The following PRKCH variants were observed in gnomAD, a reference collection of about 807,000 sequenced individuals.
The protein encoded by PRKCH is protein kinase C eta.
Under a neutral mutation model 82.5 loss-of-function variants are expected in PRKCH, and 28 were observed. The ratio of observed to expected loss-of-function variants is 0.34; its 90% CI spans 0.25 to 0.47. The LOEUF (loss-of-function observed/expected upper bound fraction) is 0.47, where lower values mean the gene tolerates loss of function less well. Ranked by LOEUF, PRKCH falls within the 20% of genes least tolerant of loss-of-function variation. PRKCH has a pLI of 1.00. For synonymous variants in PRKCH, 322 were observed against 327.4 expected, an observed-to-expected ratio of 0.98 and a Z score of 0.18; for missense variants, 705 against 881.8, an observed-to-expected ratio of 0.80 and a Z score of 2.54.
At chr14:61,232,104 C>A (rs142449612) in intron 1 of PRKCH, among the ~76,000 whole-genome samples, 77 of 152,336 alleles carry the variant, frequency 5.1e-4, no homozygotes, top group African/African-American at 1.7e-3. Flanking sequence ...TTCGCTTTTG[C>A]TTCTGACCCA....
intron 9 of PRKCH, among the ~76,000 whole-genome samples, chr14:61,462,834 T>G (rs749141347): frequency 1.3e-5 from 2 of 152,218 alleles, no homozygotes; most frequent in African/African-American, 2.4e-5. Flanking sequence ...ACTCTCCTCA[T>G]GCAGCCCTGT....
chr14:61,532,750 C>G (rs933090708), intron 12 of PRKCH, among the ~76,000 whole-genome samples: 1 of 152,168 alleles, frequency 6.6e-6, no homozygotes, highest in African/African-American at 2.4e-5. Context: ...CAGTAATAGC[C>G]TCATGGTCTT....
chr14:61,374,125 C>G (rs1187003464), intron 1 of PRKCH, among the ~76,000 whole-genome samples: 1 of 152,282 alleles, frequency 6.6e-6, no homozygotes, highest in East Asian at 1.9e-4. Flanking sequence ...AAGTCCAAAA[C>G]CCAGCAGGGT....
chr14:61,326,610 GA>G (rs35368004), intron 1 of PRKCH, among the ~76,000 whole-genome samples: 2 of 152,090 alleles, frequency 1.3e-5, no homozygotes, highest in Admixed American at 6.6e-5. Flanking sequence ...AAGCTGTGGG[GA>G]AAAAAACCAA....
At chr14:61,249,426 C>T (rs2044919653) in intron 1 of PRKCH, among the ~76,000 whole-genome samples, 1 of 148,960 alleles carries the variant, frequency 6.7e-6, no homozygotes, top group Non-Finnish European at 1.5e-5. Flanking sequence ...ACTTTGGCAG[C>T]ACATATACTT....
At chr14:61,340,388 G>A (rs2045916831) in intron 1 of PRKCH, among the ~76,000 whole-genome samples, 1 of 137,512 alleles carries the variant, frequency 7.3e-6, no homozygotes, top group Non-Finnish European at 1.6e-5. Context: ...CGGGGTGGGG[G>A]GCGGGGGTGG....
At chr14:61,236,714 A>AC (rs1397647045) in intron 1 of PRKCH, among the ~76,000 whole-genome samples, 7 of 144,620 alleles carry the variant, frequency 4.8e-5, no homozygotes, top group Admixed American at 1.4e-4. Context: ...TCAAAACAAA[A>AC]AAAAAAAAAA....
chr14:61,389,864 C>T lies in PRKCH; in HGVS notation c.364-1361C>T, dbSNP rs142821518. On this transcript the variant is annotated intron_variant, in intron 1 of 13. Coordinates refer to ENST00000332981, the MANE Select transcript of PRKCH (RefSeq NM_006255.5). Reference sequence around the variant, plus strand: ...TGGTCTAGTAGGGGGGCTCTTTCCACTGTACCATGTGACTATTTGCAGCTT... The same window carrying T: ...TGGTCTAGTAGGGGGGCTCTTTCCATTGTACCATGTGACTATTTGCAGCTT... Among the ~76,000 whole-genome samples the T allele has an allele frequency of 2.8e-4, 42 of 152,206 alleles. 1 individual carries two copies. In the East Asian group the frequency reaches 8.1e-3, roughly 29 times the overall value.
chr14:61,456,782 C>A (rs578039228), intron 7 of PRKCH: 1 of 159,968 alleles, frequency 6.3e-6, no homozygotes, highest in Admixed American at 6.0e-5. Flanking sequence ...ATGCTTGAAT[C>A]TCTGAGTAGA....
At chr14:61,546,440 C>G (rs968665233) in intron 12 of PRKCH, among the ~76,000 whole-genome samples, 1 of 152,212 alleles carries the variant, frequency 6.6e-6, no homozygotes, top group Non-Finnish European at 1.5e-5. Context: ...TTATTAGCTG[C>G]CCTTTGAAGC....
chr14:61,256,142 TC>T (rs35612939), intron 1 of PRKCH, among the ~76,000 whole-genome samples: 1 of 152,176 alleles, frequency 6.6e-6, no homozygotes, highest in Non-Finnish European at 1.5e-5. Flanking sequence ...AAATCACAGT[TC>T]CATGACTTGT....
At chr14:61,227,410 G>A (rs113765199) in intron 1 of PRKCH, among the ~76,000 whole-genome samples, 5,274 of 152,134 alleles carry the variant, frequency 0.035, 186 homozygotes, top group African/African-American at 0.091. Context: ...TGGCTAACAC[G>A]GTGAAACCCC....
At chr14:61,368,863 T>C (rs1182691627) in intron 1 of PRKCH, among the ~76,000 whole-genome samples, 3 of 152,126 alleles carry the variant, frequency 2.0e-5, no homozygotes. Flanking sequence ...ATTGTTATTT[T>C]TGGGGAATTG....
chr14:61,352,734 G>GAAAGAAAGA (rs1555378129), intron 1 of PRKCH, among the ~76,000 whole-genome samples: 2 of 148,288 alleles, frequency 1.3e-5, no homozygotes, highest in African/African-American at 5.0e-5. Flanking sequence ...AAGAAAGAAA[G>GAAAGAAAGA]AAAGAAAGAT....
intron 10 of PRKCH, among the ~76,000 whole-genome samples, chr14:61,518,089 C>T (rs1365381621): frequency 1.3e-5 from 2 of 152,190 alleles, no homozygotes; most frequent in African/African-American, 4.8e-5. Flanking sequence ...GTTTTATGCC[C>T]TTTGGACTGT....
chr14:61,342,375 A>G (rs2045940246), intron 1 of PRKCH, among the ~76,000 whole-genome samples: 5 of 152,188 alleles, frequency 3.3e-5, no homozygotes, highest in Admixed American at 3.3e-4. Context: ...ATTGTGAGTT[A>G]GTCAGTGAGC....
intron 1 of PRKCH, among the ~76,000 whole-genome samples, chr14:61,291,582 G>A (rs142032592): frequency 0.018 from 2,696 of 151,952 alleles, 96 homozygotes; most frequent in African/African-American, 0.062. Flanking sequence ...TGCCCGCCTC[G>A]GCCTCCCAAA....
intron 2 of PRKCH, among the ~76,000 whole-genome samples, chr14:61,430,837 C>T (rs964499970): frequency 4.6e-5 from 7 of 151,658 alleles, no homozygotes; most frequent in East Asian, 1.9e-4. Flanking sequence ...TCACTGCAAT[C>T]GCTGCCTCCC....
chr14:61,480,348 T>A (rs1489423569), intron 9 of PRKCH, among the ~76,000 whole-genome samples: 4 of 152,202 alleles, frequency 2.6e-5, no homozygotes, highest in Non-Finnish European at 5.9e-5. Context: ...CAATTGAATT[T>A]GTGAAGCATG....
Sources: allele counts gnomAD v4.1 joint callset (sites outside exome capture counted in the v4.1 genomes callset), GRCh38; gene constraint gnomAD v4.1.1; transcripts MANE v1.5; gene names NCBI Gene and HGNC (gene_info 2026-07-23, HGNC 2026-07-21).